The following KHDC1 variants were observed in gnomAD, a reference collection of about 807,000 sequenced individuals.
The protein encoded by KHDC1 is KH domain containing 1.
Under a neutral mutation model 24.7 loss-of-function variants are expected in KHDC1, and 21 were observed. The ratio of observed to expected loss-of-function variants is 0.85; its 90% CI spans 0.60 to 1.23. The LOEUF is 1.23. KHDC1 is among the 50% of genes most tolerant of loss of function. KHDC1 has a pLI of 0.00. For missense variants in KHDC1, 274 were observed against 298.5 expected (o/e 0.92, Z 0.61); for synonymous variants, 98 against 111.7 (o/e 0.88, Z 0.77).
At chr6:73,254,837 C>T (rs1766851632) in intron 2 of KHDC1, among the ~76,000 whole-genome samples, 1 of 151,960 alleles carries the variant, frequency 6.6e-6, no homozygotes, top group East Asian at 1.9e-4. Context: ...CCCGTCTCTA[C>T]TAAAAATACA....
At chr6:73,254,691 T>C (rs1214496066) in intron 2 of KHDC1, among the ~76,000 whole-genome samples, 4 of 151,862 alleles carry the variant, frequency 2.6e-5, no homozygotes, top group Admixed American at 6.6e-5. Flanking sequence ...GAACTAAGGA[T>C]ACACAATAAA....
chr6:73,248,091 C>T (rs953388555), intron 2 of KHDC1, among the ~76,000 whole-genome samples: 2 of 152,130 alleles, frequency 1.3e-5, no homozygotes, highest in Admixed American at 6.6e-5. Context: ...TCAGGGACAG[C>T]AGTGGAGTCC....
intron 4 of KHDC1, 115 bp from the exon 4 acceptor site, chr6:73,241,843 C>T: frequency 1.7e-6 from 2 of 1,197,528 alleles, no homozygotes; most frequent in Admixed American, 2.4e-5. Flanking sequence ...CCAGACCTTC[C>T]AAGGTAGCCC....
At chr6:73,254,882 G>A (rs1766852884) in intron 2 of KHDC1, among the ~76,000 whole-genome samples, 1 of 151,518 alleles carries the variant, frequency 6.6e-6, no homozygotes, top group Admixed American at 6.6e-5. Flanking sequence ...GGCGCCTTTA[G>A]TCCTAGCTAC....
intron 2 of KHDC1, among the ~76,000 whole-genome samples, chr6:73,244,230 A>G (rs1228830957): frequency 2.0e-5 from 3 of 152,204 alleles, no homozygotes; most frequent in African/African-American, 7.2e-5. Flanking sequence ...GCCACATAAA[A>G]AGTAGTGCCT....
chr6:73,303,494 T>C (rs545026439), intron 1 of KHDC1, among the ~76,000 whole-genome samples: 15 of 152,308 alleles, frequency 9.8e-5, no homozygotes, highest in African/African-American at 3.6e-4. Context: ...GTAATACAAA[T>C]GGAAGAACCA....
exon 5 of KHDC1, chr6:73,241,490 T>C: frequency 6.3e-7 from 1 of 1,593,426 alleles, no homozygotes; most frequent in Non-Finnish European, 8.6e-7. Context: ...CCAAGATTTC[T>C]CCTCTCATCC....
At chr6:73,287,010 G>C (rs1378560269) in intron 2 of KHDC1, among the ~76,000 whole-genome samples, 1 of 152,182 alleles carries the variant, frequency 6.6e-6, no homozygotes. Context: ...CCCACACTAA[G>C]TGAGGTAGAA....
intron 2 of KHDC1, among the ~76,000 whole-genome samples, chr6:73,253,521 C>T (rs1171006339): frequency 6.6e-6 from 1 of 151,510 alleles, no homozygotes; most frequent in Non-Finnish European, 1.5e-5. Flanking sequence ...CCACTGCAGT[C>T]CAGCCTGGGT....
chr6:73,263,835 G>C (rs946955334), intron 2 of KHDC1, among the ~76,000 whole-genome samples: 4 of 152,116 alleles, frequency 2.6e-5, no homozygotes, highest in Non-Finnish European at 5.9e-5. Context: ...GAAGAATTTT[G>C]CCCTCCCTGG....
chr6:73,268,480 G>A (rs964304670), intron 2 of KHDC1: 1 of 152,328 alleles, frequency 6.6e-6, no homozygotes, highest in Non-Finnish European at 1.5e-5. Context: ...GGCTCCGGAA[G>A]CCTGCTTTTA....
chr6:73,299,731 A>G (rs951534529), intron 1 of KHDC1: 2 of 153,002 alleles, frequency 1.3e-5, no homozygotes, highest in African/African-American at 4.8e-5. Context: ...TGCGGCTCCT[A>G]CGGGAGGTGA....
At chr6:73,264,797 A>T (rs1195896566) in intron 2 of KHDC1, among the ~76,000 whole-genome samples, 1 of 152,196 alleles carries the variant, frequency 6.6e-6, no homozygotes. Flanking sequence ...CAGAGTCAAA[A>T]ACCTGGAATG....
intron 2 of KHDC1, chr6:73,269,365 G>A (rs1767141117): frequency 6.5e-6 from 1 of 153,684 alleles, no homozygotes; most frequent in African/African-American, 2.4e-5. Flanking sequence ...CCGCCAAAGT[G>A]GGAGCCCAGG....
intron 2 of KHDC1, chr6:73,263,120 C>G: frequency 1.0e-6 from 1 of 996,882 alleles, no homozygotes; most frequent in Non-Finnish European, 1.2e-6. Flanking sequence ...ACAGCGGTAC[C>G]TCCTGGGCCG....
chr6:73,297,543 C>G (rs539763633), intron 1 of KHDC1, among the ~76,000 whole-genome samples: 1 of 152,194 alleles, frequency 6.6e-6, no homozygotes, highest in East Asian at 1.9e-4. Context: ...TTTGCTGTGT[C>G]AAGGGGTGTG....
intron 2 of KHDC1, among the ~76,000 whole-genome samples, chr6:73,289,810 T>C (rs1767605352): frequency 6.7e-6 from 1 of 150,202 alleles, no homozygotes; most frequent in African/African-American, 2.5e-5. Context: ...TACAAAAAAT[T>C]AGCCAGGCGG....
intron 2 of KHDC1, among the ~76,000 whole-genome samples, chr6:73,255,904 CAAAAAAAAAAAA>C (rs1205326198): frequency 2.0e-5 from 1 of 49,404 alleles, no homozygotes; most frequent in Non-Finnish European, 4.4e-5. Context: ...CCTGTCTCAA[CAAAAAAAAAAAA>C]AAAAAAAAGA....
At chr6:73,283,327 GTT>G (rs71540382) in intron 2 of KHDC1, among the ~76,000 whole-genome samples, 25 of 147,054 alleles carry the variant, frequency 1.7e-4, no homozygotes, top group South Asian at 2.1e-4. Context: ...AGTGTTACTA[GTT>G]TTTTTTTTTT....
Sources: allele counts gnomAD v4.1 joint callset (sites outside exome capture counted in the v4.1 genomes callset), GRCh38; gene constraint gnomAD v4.1.1; transcripts MANE v1.5; gene names NCBI Gene and HGNC (gene_info 2026-07-23, HGNC 2026-07-21).